COL28A1: variants seen among roughly 807,000 people sequenced by gnomAD.
The protein encoded by COL28A1 is collagen type XXVIII alpha 1 chain, also known as collagen alpha-1(XXVIII) chain.
Under a neutral mutation model 150.2 loss-of-function variants are expected in COL28A1, and 161 were observed. The observed-to-expected ratio is 1.07, with a 90% CI of 0.94 to 1.22. The LOEUF (loss-of-function observed/expected upper bound fraction) is 1.22. Among genes scored for constraint, COL28A1 ranks in the 50% most tolerant of loss-of-function variants. COL28A1 has a pLI of 0.00. For synonymous variants in COL28A1, 552 were observed against 469.7 expected (o/e 1.18, Z -2.26); for missense variants, 1,617 against 1,388.3 (o/e 1.16, Z -2.62).
At chr7:7,424,419 A>G (rs1562606706) in intron 25 of COL28A1, among the ~76,000 whole-genome samples, 1 of 152,170 alleles carries the variant, frequency 6.6e-6, no homozygotes, top group South Asian at 2.1e-4. Context: ...GTTTTGTCAT[A>G]AGGCAGCACC....
chr7:7,468,226 A>C (rs1396391925), intron 15 of COL28A1, among the ~76,000 whole-genome samples: 1 of 5,620 alleles, frequency 1.8e-4, no homozygotes, highest in Non-Finnish European at 4.9e-4. Context: ...CTAATAAAGA[A>C]AAAAAGAGAG....
At chr7:7,341,623 A>G in the COL28A1 span, among the ~76,000 whole-genome samples, 10 of 152,028 alleles carry the variant, frequency 6.6e-5, no homozygotes, top group African/African-American at 2.4e-4. Flanking sequence ...TTTACCACTT[A>G]AACTATCCTT....
intron 27 of COL28A1, among the ~76,000 whole-genome samples, chr7:7,394,605 A>G (rs1355320685): frequency 6.6e-6 from 1 of 152,184 alleles, no homozygotes; most frequent in Non-Finnish European, 1.5e-5. Flanking sequence ...ATGGAGGGTC[A>G]GTTCAATCTT....
intron 33 of COL28A1, among the ~76,000 whole-genome samples, chr7:7,363,827 G>A (rs1200347963): frequency 6.6e-6 from 1 of 151,786 alleles, no homozygotes; most frequent in Non-Finnish European, 1.5e-5. Context: ...ACAGAGTCTC[G>A]CTCTGTTGCC....
chr7:7,352,427 T>C (rs894776158), downstream of COL28A1, among the ~76,000 whole-genome samples: 2 of 152,148 alleles, frequency 1.3e-5, no homozygotes, highest in African/African-American at 4.8e-5. Context: ...GTAACTAAAC[T>C]GAAGGACTTT....
Position 7,507,129 on chromosome 7 carries a change from G to C in COL28A1, c.960C>G (p.Pro320=). The change falls in exon 10 of 35, where the codon CCC becomes CCG. Residue 320 remains proline, a synonymous_variant. Transcript: ENST00000399429. ...TTAACCCCCTTACCTGAATTCCTCT[G>C]GGTCCCTTTGGTCCATATGGCCCTG... The part of the protein sequence containing the change: ...GSPGPYGPKG[P]RGIQGITGPP... The C allele has an allele frequency of 1.6e-6, 2 of 1,284,458 alleles. No individual in the cohort carries two copies. The highest frequency in any genetic ancestry group is 2.3e-6 in the Non-Finnish European group (2 of 880,804). 79.6% of individuals were successfully genotyped at this position (1,284,458 alleles called of 1,614,324 possible). A position where few individuals can be genotyped will look rare whatever the true frequency, so the allele number is the denominator to read the frequency against.
intron 20 of COL28A1, 48 bp from the exon 21 acceptor site, chr7:7,440,909 C>A: frequency 1.1e-6 from 1 of 904,538 alleles, no homozygotes. Flanking sequence ...GTATTAGCAA[C>A]CTCCCCTAAT....
rs17519199 is a variant in COL28A1, at chr7:7,453,491, A to T, written c.1389T>A (p.Ile463=). 6.7e-6 allele frequency: 8 copies of T among 1,190,054 alleles called. No individual in the cohort carries two copies. Among genetic ancestry groups the T allele is most frequent in the Non-Finnish European group, 8.7e-6 (7 of 800,164 alleles). 73.7% of individuals were successfully genotyped at this position (1,190,054 alleles called of 1,614,324 possible). ...CGGGCCCTTGTGGACCAGGTGGACC[A>T]ATAGGACCTTGGATTCCCTTTAAAA... ...SQGEQGIQGP[I]GPPGPQGPAG... is the part of the protein sequence containing the mutation. The change falls in exon 17 of 35, where the codon ATT becomes ATA. Residue 463 remains isoleucine (I), a synonymous_variant. Transcript: ENST00000399429.
intron 27 of COL28A1, among the ~76,000 whole-genome samples, chr7:7,382,428 C>T (rs1054755083): frequency 1.3e-5 from 2 of 152,058 alleles, no homozygotes; most frequent in Non-Finnish European, 2.9e-5. Context: ...ACTGTTAGTT[C>T]CATCTCTCAT....
intron 33 of COL28A1, among the ~76,000 whole-genome samples, 160 bp from the exon 34 acceptor site, chr7:7,360,688 C>A (rs1416602982): frequency 3.3e-5 from 5 of 152,176 alleles, no homozygotes; most frequent in Non-Finnish European, 7.3e-5. Flanking sequence ...AATGCCCCTC[C>A]TCTGTGTCAT....
At chr7:7,360,763 C>CACACATAT (rs1215353571) in intron 33 of COL28A1, among the ~76,000 whole-genome samples, 2 of 152,064 alleles carry the variant, frequency 1.3e-5, no homozygotes, top group African/African-American at 4.8e-5. Context: ...TCTGTGTACA[C>CACACATAT]ACACATATAC....
chr7:7,481,873 T>C (rs74498675), intron 13 of COL28A1, among the ~76,000 whole-genome samples: 3,201 of 152,170 alleles, frequency 0.021, 79 homozygotes, highest in African/African-American at 0.065. Flanking sequence ...TATAGTTCCC[T>C]TTCAGGGTTT....
chr7:7,489,455 TC>T lies in COL28A1; in HGVS notation c.1097del (p.Gly366GlufsTer72). On this transcript the variant is annotated frameshift_variant and splice_region_variant, in exon 13 of 35. Coordinates refer to ENST00000399429, the MANE Select transcript of COL28A1 (RefSeq NM_001037763.3). LOFTEE classifies it high-confidence loss of function. ...APGIGQQGIKGERGQEGRPGA... is the reference protein window; with the variant it reads ...APGIGQQGIKXERGQEGRPGA... ...CCGGTCTTCCTTCTTGGCCTCTTTC[TC>T]CCTAAGAGAAAGAAATAATAGAATG... The T allele has an allele frequency of 7.6e-7, 1 of 1,315,366 alleles. No individual in the cohort carries two copies. The highest frequency in any genetic ancestry group is 1.1e-6 in the Non-Finnish European group (1 of 906,860). 81.5% of individuals were successfully genotyped at this position (1,315,366 alleles called of 1,614,324 possible). A position where few individuals can be genotyped will look rare whatever the true frequency, so the allele number is the denominator to read the frequency against.
downstream of COL28A1, among the ~76,000 whole-genome samples, chr7:7,355,982 T>C (rs17166862): frequency 0.087 from 13,196 of 152,134 alleles, 1,919 homozygotes; most frequent in African/African-American, 0.3. Context: ...TTCACACAAA[T>C]ATACAACCGT....
intron 22 of COL28A1, 81 bp downstream of exon 22, chr7:7,437,313 C>G: frequency 2.7e-6 from 4 of 1,505,950 alleles, no homozygotes; most frequent in Non-Finnish European, 3.6e-6. Flanking sequence ...AACTAAAATT[C>G]TAGTTCACTG....
At chr7:7,342,241 C>T in the COL28A1 span, among the ~76,000 whole-genome samples, 134,840 of 151,970 alleles carry the variant, frequency 0.89, 59,949 homozygotes, top group East Asian at 1. Context: ...TGTCTGACTT[C>T]AATATAACTA....
chr7:7,438,701 T>C (rs2128318495), intron 21 of COL28A1, among the ~76,000 whole-genome samples: 1 of 152,334 alleles, frequency 6.6e-6, no homozygotes, highest in Non-Finnish European at 1.5e-5. Flanking sequence ...TGATAGCTTA[T>C]AAACAGAAAT....
chr7:7,393,248 C>T (rs757129694), intron 27 of COL28A1, among the ~76,000 whole-genome samples: 5 of 152,184 alleles, frequency 3.3e-5, no homozygotes, highest in Non-Finnish European at 7.3e-5. Flanking sequence ...GTTTGCTGGA[C>T]GTCCACTCCA....
Position 7,373,015 on chromosome 7 carries a change from TC to T in COL28A1, c.2890del (p.Asp964IlefsTer9). The T allele has an allele frequency of 1.9e-6, 3 of 1,613,760 alleles. No homozygotes were observed. The highest frequency in any genetic ancestry group is 2.5e-6 in the Non-Finnish European group (3 of 1,179,806). ...TTCCTTACCTTGCAGGGTAAAGAAA[TC>T]ATCAAACTGGTAAACATGCTCTGGG... ...TDPEHVYQFD[D>X]FFTLQDTLKQ... On this transcript the variant is annotated frameshift_variant, in exon 32 of 35. Coordinates refer to ENST00000399429, the MANE Select transcript of COL28A1 (RefSeq NM_001037763.3). LOFTEE classifies it high-confidence loss of function. The surrounding 1 kb of genome is among the most constrained non-coding windows in gnomAD (Gnocchi z 4.1).
Sources: gnomAD v4.1 joint callset for allele counts (sites outside exome capture counted in the v4.1 genomes callset) on GRCh38, gnomAD v4.1.1 for gene constraint, Gnocchi (gnomAD v3.1) non-coding constraint, MANE v1.5 for transcripts, NCBI Gene and HGNC (gene_info 2026-07-23, HGNC 2026-07-21) for gene names.